Variants in NSUN7 observed in about 807,000 individuals in gnomAD.
NSUN7 encodes NOP2/Sun RNA methyltransferase family member 7.
In NSUN7, 39 loss-of-function variants were observed where a neutral mutation model predicts 58.5. The observed-to-expected ratio is 0.67, with a 90% CI of 0.52 to 0.87. NSUN7 has a LOEUF of 0.87. Ranked by LOEUF, NSUN7 falls within the 40% of genes least tolerant of loss-of-function variation. The pLI, the probability that NSUN7 is intolerant of heterozygous loss-of-function variation, is 0.00. For missense variants in NSUN7, 765 were observed against 844.1 expected (o/e 0.91, Z 1.16); for synonymous variants, 278 against 303.7 (o/e 0.92, Z 0.88).
At chr4:40,757,902 T>TTTTTTTTGTTTG (rs111847789) in intron 2 of NSUN7, among the ~76,000 whole-genome samples, 1 of 148,496 alleles carries the variant, frequency 6.7e-6, no homozygotes, top group Non-Finnish European at 1.5e-5. Context: ...CTATTCCTGT[T>TTTTTTTTGTTTG]TTTGTTTGTT....
At chr4:40,770,355 A>G (rs770847874) in intron 4 of NSUN7, among the ~76,000 whole-genome samples, 5 of 152,228 alleles carry the variant, frequency 3.3e-5, no homozygotes, top group Non-Finnish European at 5.9e-5. Flanking sequence ...AACCTACTGC[A>G]CACCTATCCT....
chr4:40,786,014 A>G, intron 7 of NSUN7: 1 of 1,442,562 alleles, frequency 6.9e-7, no homozygotes, highest in Admixed American at 2.4e-5. Flanking sequence ...AGAGGGAAGG[A>G]CAGTTAGTCA....
At chr4:40,762,585 C>T (rs1451336279) in intron 4 of NSUN7, 1 of 152,162 alleles carries the variant, frequency 6.6e-6, no homozygotes, top group Non-Finnish European at 1.5e-5. Context: ...TTACTGTTAC[C>T]AACCTGTAAT....
At position 40,811,179 on chromosome 4, in the gene NSUN7, A is replaced by G. The variant is rs1307928418; in HGVS notation, c.*2240A>G. On this transcript the variant is annotated 3_prime_UTR_variant, in exon 12 of 12. Transcript: ENST00000381782. ...AGATTCTGAATTAAACCATTCATTAATTACACTGCAGTTTTCTTCTTTGAG... is the reference window on the plus strand; with the variant it reads ...AGATTCTGAATTAAACCATTCATTAGTTACACTGCAGTTTTCTTCTTTGAG... 6.6e-6 allele frequency: 1 copy of G among 152,224 alleles called. No homozygotes were observed. The highest frequency in any genetic ancestry group is 1.5e-5 in the Non-Finnish European group (1 of 68,040). 9.4% of individuals were successfully genotyped at this position (152,224 alleles called of 1,614,324 possible).
chr4:40,779,237 A>G (rs764008535), intron 7 of NSUN7, among the ~76,000 whole-genome samples: 1 of 152,154 alleles, frequency 6.6e-6, no homozygotes, highest in Non-Finnish European at 1.5e-5. Context: ...TGGGAGGACC[A>G]CTTGAGCCCA....
At chr4:40,772,664 G>T (rs1040210855) in intron 4 of NSUN7, among the ~76,000 whole-genome samples, 3 of 152,142 alleles carry the variant, frequency 2.0e-5, no homozygotes, top group Non-Finnish European at 2.9e-5. Context: ...ATGAAGAAAA[G>T]AAGTAGGGAT....
chr4:40,776,157 A>G lies in NSUN7; in HGVS notation c.934A>G (p.Ile312Val), dbSNP rs1218010510. 2 of 1,611,710 alleles carry G rather than the reference A, an allele frequency of 1.2e-6. No individual in the cohort carries two copies. Among genetic ancestry groups the G allele is most frequent in the African/African-American group, 1.3e-5 (1 of 75,008 alleles). ...GSWYTVSHMS[I>V]LTNNNTSKVF... ...ATGGTACACAGTTTCCCACATGTCA[A>G]TTTTAACAAATAATAATACCTCAAA... The change falls in exon 7 of 12, where the codon ATT becomes GTT. Residue 312 changes from isoleucine to valine, a missense_variant. By Grantham distance (29) the Ile-to-Val change is conservative. Coordinates refer to ENST00000381782, the MANE Select transcript of NSUN7 (RefSeq NM_024677.6).
intron 9 of NSUN7, among the ~76,000 whole-genome samples, chr4:40,795,745 C>T (rs988435248): frequency 1.3e-5 from 2 of 152,026 alleles, no homozygotes; most frequent in Admixed American, 6.6e-5. Flanking sequence ...ATTAAAAGCC[C>T]GATTTGAAGT....
At chr4:40,751,919 C>G (rs1740855709) in intron 2 of NSUN7, among the ~76,000 whole-genome samples, 1 of 152,130 alleles carries the variant, frequency 6.6e-6, no homozygotes, top group African/African-American at 2.4e-5. Flanking sequence ...TCGCTTGAGC[C>G]TGGGAGGCAG....
At position 40,810,562 on chromosome 4, in the gene NSUN7, A is replaced by C. The variant is rs2154290132; in HGVS notation, c.*1623A>C. On this transcript the variant is annotated 3_prime_UTR_variant, in exon 12 of 12. Transcript: ENST00000381782. The stretch of plus-strand genomic sequence containing the variant: ...CACTGCACTCCAGCCTGGGAAGCAG[A>C]GTGAGACCTTGCCTCAAAAAAAAAA... 1 of 127,296 alleles carries C rather than the reference A, an allele frequency of 7.9e-6. No individual in the cohort carries two copies. The highest frequency in any genetic ancestry group is 3.0e-5 in the African/African-American group (1 of 32,876). The allele number at this position is 127,296 out of a possible 1,614,324, so 7.9% of individuals were successfully genotyped here.
chr4:40,794,505 A>G (rs1278935202), intron 9 of NSUN7, 29 bp downstream of exon 9: 4 of 1,303,552 alleles, frequency 3.1e-6, no homozygotes, highest in Non-Finnish European at 4.4e-6. Flanking sequence ...CCATCTTGTT[A>G]AAATAAGGTG....
intron 2 of NSUN7, among the ~76,000 whole-genome samples, chr4:40,756,700 C>A (rs1256354986): frequency 6.6e-6 from 1 of 152,120 alleles, no homozygotes; most frequent in African/African-American, 2.4e-5. Flanking sequence ...AATAAAACAA[C>A]CTAATTCATA....
intron 9 of NSUN7, 58 bp from the exon 10 acceptor site, chr4:40,798,729 C>T: frequency 2.1e-6 from 2 of 956,954 alleles, no homozygotes; most frequent in South Asian, 1.6e-5. Flanking sequence ...AAACATAGCA[C>T]ATTTGTATAG....
At chr4:40,773,738 T>C (rs553387685) in intron 4 of NSUN7, among the ~76,000 whole-genome samples, 1 of 151,662 alleles carries the variant, frequency 6.6e-6, no homozygotes, top group South Asian at 2.1e-4. Context: ...AGTTAAGAAA[T>C]TGCTGCACAA....
At chr4:40,753,423 G>A (rs757311307) in intron 2 of NSUN7, among the ~76,000 whole-genome samples, 10 of 151,862 alleles carry the variant, frequency 6.6e-5, no homozygotes, top group Non-Finnish European at 1.5e-4. Context: ...AGTGGCACCT[G>A]CCACCACGCC....
At chr4:40,753,342 T>C (rs1015416105) in intron 2 of NSUN7, among the ~76,000 whole-genome samples, 2 of 151,364 alleles carry the variant, frequency 1.3e-5, no homozygotes, top group Non-Finnish European at 2.9e-5. Context: ...AATGGCACAA[T>C]CTAGGCTCAC....
At chr4:40,763,821 C>A (rs1741576757) in intron 4 of NSUN7, among the ~76,000 whole-genome samples, 1 of 152,102 alleles carries the variant, frequency 6.6e-6, no homozygotes, top group African/African-American at 2.4e-5. Flanking sequence ...TTTTCCCATA[C>A]CCAAACCAAT....
At chr4:40,769,509 G>C (rs929374977) in intron 4 of NSUN7, among the ~76,000 whole-genome samples, 1 of 152,236 alleles carries the variant, frequency 6.6e-6, no homozygotes, top group African/African-American at 2.4e-5. Flanking sequence ...GCAGAAAGTA[G>C]AAAACAGCAG....
chr4:40,793,302 C>T (rs1408599314), intron 8 of NSUN7, among the ~76,000 whole-genome samples: 4 of 151,984 alleles, frequency 2.6e-5, no homozygotes, highest in Non-Finnish European at 4.4e-5. Context: ...ATTAGCCGGG[C>T]ATCATGGTGA....
Sources: gnomAD v4.1 joint callset for allele counts (sites outside exome capture counted in the v4.1 genomes callset) on GRCh38, gnomAD v4.1.1 for gene constraint, MANE v1.5 for transcripts, NCBI Gene and HGNC (gene_info 2026-07-23, HGNC 2026-07-21) for gene names.